Variants in ST13 observed in about 807,000 individuals in gnomAD.
ST13 encodes the protein ST13 Hsp70 interacting protein, also known as hsc70-interacting protein.
ST13 carries 23 observed loss-of-function variants against 56.7 expected under a neutral mutation model. That is an observed-to-expected ratio of 0.41 (90% confidence interval 0.29 to 0.57). ST13 has a LOEUF of 0.57. ST13 is among the 20% of genes least tolerant of loss of function. The pLI is 0.36. For synonymous variants in ST13, 132 were observed against 142.4 expected (o/e 0.93, Z 0.52); for missense variants, 369 against 459.9 (o/e 0.80, Z 1.81).
intron 1 of ST13, 127 bp downstream of exon 1, chr22:40,856,304 C>T: frequency 2.5e-6 from 2 of 802,522 alleles, no homozygotes; most frequent in Non-Finnish European, 4.2e-6. Flanking sequence ...TCGAAGTTGC[C>T]TCCCTTTCCC....
At chr22:40,829,591 A>G (rs1412459108) in intron 10 of ST13, 35 bp downstream of exon 10, 1 of 1,181,974 alleles carries the variant, frequency 8.5e-7, no homozygotes, top group African/African-American at 1.5e-5. Flanking sequence ...ACTGTATAAT[A>G]GAACAAAACA....
At position 40,835,576 on chromosome 22, in the gene ST13, G is replaced by A. The variant is rs751496137; in HGVS notation, c.562C>T (p.Arg188Trp). 2.5e-6 allele frequency: 4 copies of A among 1,611,366 alleles called. No individual in the cohort carries two copies. The highest frequency in any genetic ancestry group is 3.3e-5 in the Admixed American group (2 of 59,984). The change falls in exon 7 of 12, where the codon CGG becomes TGG. Residue 188 changes from arginine to tryptophan, a missense_variant. Transcript: ENST00000216218. The part of the protein sequence containing the change: ...NPDSAQPYKW[R>W]GKAHRLLGHW... ...ATTATTTACCTGTGTGCTTTCCCCC[G>A]CCACTTGTAAGGCTGAGCTGAATCA...
chr22:40,848,760 T>C lies in ST13; in HGVS notation c.169-391A>G, dbSNP rs117483103. On this transcript the variant is annotated intron_variant, in intron 2 of 11. Transcript: ENST00000216218. Reference sequence around the variant, plus strand: ...TGTGTCTCAAAAATAAAAAAACAACTGTTCAAAATAAAGTTTGAACATTGA... The same window carrying C: ...TGTGTCTCAAAAATAAAAAAACAACCGTTCAAAATAAAGTTTGAACATTGA... Among the ~76,000 whole-genome samples, 35 of 152,214 alleles carry C rather than the reference T, an allele frequency of 2.3e-4. No individual in the cohort carries two copies. In the East Asian group the frequency reaches 6.2e-3, roughly 27 times the overall value.
chr22:40,851,160 A>T (rs181634189), intron 1 of ST13, among the ~76,000 whole-genome samples: 1 of 136,482 alleles, frequency 7.3e-6, no homozygotes, highest in East Asian at 1.9e-4. Flanking sequence ...CCCAGAGGAA[A>T]AGAGGCAGAT....
chr22:40,849,205 C>T (rs1037678319), intron 2 of ST13, among the ~76,000 whole-genome samples: 1 of 152,186 alleles, frequency 6.6e-6, no homozygotes, highest in Non-Finnish European at 1.5e-5. Context: ...AGGCAGGGCG[C>T]AGTGGCTCAT....
chr22:40,826,510 A>G lies in ST13; in HGVS notation c.*28T>C, dbSNP rs2057728876. The stretch of plus-strand genomic sequence containing the variant: ...AGGTGATCTAGGTTGCTTTTCCTTC[A>G]GCAAGGGCTTTATTTATCAGAAGGA... On this transcript the variant is annotated 3_prime_UTR_variant, in exon 12 of 12. Coordinates refer to ENST00000216218, the MANE Select transcript of ST13 (RefSeq NM_003932.5). 2.5e-6 allele frequency: 4 copies of G among 1,595,954 alleles called. No homozygotes were observed. Among genetic ancestry groups the G allele is most frequent in the Admixed American group, 3.3e-5 (2 of 59,708 alleles).
chr22:40,826,684 A>G lies in ST13; in HGVS notation c.982-18T>C, dbSNP rs1236243709. 6.2e-7 allele frequency: 1 copy of G among 1,608,596 alleles called. No homozygotes were observed. Among genetic ancestry groups the G allele is most frequent in the South Asian group, 1.1e-5 (1 of 91,026 alleles). On this transcript the variant is annotated intron_variant, in intron 11 of 11. Transcript: ENST00000216218. Reference sequence around the variant, plus strand: ...TCTGGATCCTGAAAAGAAAGGGTTCATTAGTATTTAAAAAGTGTCCTACTG... The same window carrying G: ...TCTGGATCCTGAAAAGAAAGGGTTCGTTAGTATTTAAAAAGTGTCCTACTG...
At chr22:40,835,963 G>A (rs954269801) in intron 5 of ST13, 76 bp from the exon 6 acceptor site, 38 of 1,125,426 alleles carry the variant, frequency 3.4e-5, no homozygotes, top group South Asian at 1.1e-4. Context: ...CTGTTATCCA[G>A]TTAAGTCTTT....
chr22:40,834,545 TA>T (rs2057768710), intron 7 of ST13, among the ~76,000 whole-genome samples: 1 of 152,220 alleles, frequency 6.6e-6, no homozygotes, highest in African/African-American at 2.4e-5. Flanking sequence ...ATTTTTTCCC[TA>T]AATTCATGAT....
At chr22:40,832,220 T>C (rs1257692692) in intron 8 of ST13, 2 of 474,376 alleles carry the variant, frequency 4.2e-6, no homozygotes, top group African/African-American at 4.0e-5. Context: ...TACACACCTA[T>C]GATAAATAAG....
chr22:40,829,814 C>T (rs2057745779), intron 9 of ST13, 140 bp from the exon 10 acceptor site: 3 of 408,570 alleles, frequency 7.3e-6, no homozygotes, highest in South Asian at 1.2e-4. Flanking sequence ...TACTTCATAC[C>T]CCCTTCAAAC....
At chr22:40,842,310 A>C (rs1384749254) in intron 4 of ST13, among the ~76,000 whole-genome samples, 2 of 152,220 alleles carry the variant, frequency 1.3e-5, no homozygotes. Context: ...ACAACACACA[A>C]ACACATCATA....
At chr22:40,855,260 G>C (rs1325596958) in intron 1 of ST13, among the ~76,000 whole-genome samples, 1 of 152,162 alleles carries the variant, frequency 6.6e-6, no homozygotes, top group Non-Finnish European at 1.5e-5. Flanking sequence ...GACAAGCCTG[G>C]GCAACTTAAT....
At chr22:40,850,745 G>T in intron 2 of ST13, 78 bp downstream of exon 2, 1 of 1,038,670 alleles carries the variant, frequency 9.6e-7, no homozygotes, top group South Asian at 1.4e-5. Flanking sequence ...GATAACTGGA[G>T]AGCAGCAGTT....
At position 40,827,253 on chromosome 22, in the gene ST13, C is replaced by G. The variant is rs2057733333; in HGVS notation, c.848-24G>C. 3 of 1,611,672 alleles carry G rather than the reference C, an allele frequency of 1.9e-6. No individual in the cohort carries two copies. In the East Asian group the frequency reaches 6.7e-5, roughly 36 times the overall value. On this transcript the variant is annotated intron_variant, in intron 10 of 11. Coordinates refer to ENST00000216218, the MANE Select transcript of ST13 (RefSeq NM_003932.5). Reference sequence around the variant, plus strand: ...ACCTGTAATAAAAAATGAATAGACACTAATCATACTCCCAAATATTCTGAC... The same window carrying G: ...ACCTGTAATAAAAAATGAATAGACAGTAATCATACTCCCAAATATTCTGAC...
intron 1 of ST13, among the ~76,000 whole-genome samples, chr22:40,851,288 A>G (rs2057859966): frequency 6.6e-6 from 1 of 152,242 alleles, no homozygotes; most frequent in African/African-American, 2.4e-5. Flanking sequence ...AAATTCAAAT[A>G]TGCAGTTTAT....
intron 11 of ST13, 105 bp downstream of exon 11, chr22:40,826,991 G>T: frequency 7.8e-7 from 1 of 1,279,320 alleles, no homozygotes; most frequent in Non-Finnish European, 1.1e-6. Flanking sequence ...TTTGGTAACT[G>T]TGATAAATAA....
intron 8 of ST13, 83 bp from the exon 9 acceptor site, chr22:40,831,039 T>C: frequency 1.2e-6 from 1 of 854,722 alleles, no homozygotes; most frequent in South Asian, 1.5e-5. Flanking sequence ...GAGAGATGTT[T>C]AATTCAACAT....
intron 4 of ST13, 35 bp downstream of exon 4, chr22:40,844,804 T>C: frequency 6.4e-7 from 1 of 1,564,068 alleles, no homozygotes; most frequent in Non-Finnish European, 8.8e-7. Context: ...TTCACATTTC[T>C]TAGAACAAGC....
Sources: gnomAD v4.1 joint callset for allele counts (sites outside exome capture counted in the v4.1 genomes callset) on GRCh38, gnomAD v4.1.1 for gene constraint, MANE v1.5 for transcripts, NCBI Gene and HGNC (gene_info 2026-07-23, HGNC 2026-07-21) for gene names.